The following SUGCT variants were observed in gnomAD, a reference collection of about 807,000 sequenced individuals.
The protein encoded by SUGCT is succinyl-CoA:glutarate-CoA transferase.
SUGCT carries 41 observed loss-of-function variants against 55.0 expected under a neutral mutation model. The observed-to-expected ratio is 0.74, with a 90% CI of 0.58 to 0.97. The LOEUF (loss-of-function observed/expected upper bound fraction) is 0.97, where lower values mean the gene tolerates loss of function less well. SUGCT is among the 50% of genes least tolerant of loss of function. The pLI, the probability that SUGCT is intolerant of heterozygous loss-of-function variation, is 0.00. For missense variants in SUGCT, 568 were observed against 547.8 expected, an observed-to-expected ratio of 1.04 and a Z score of -0.37; for synonymous variants, 187 against 200.4, an observed-to-expected ratio of 0.93 and a Z score of 0.56.
chr7:40,496,966 C>T (rs1792016856), intron 12 of SUGCT, among the ~76,000 whole-genome samples: 1 of 152,138 alleles, frequency 6.6e-6, no homozygotes, highest in Admixed American at 6.5e-5. Context: ...CCTTTTTGGG[C>T]TCCAGGAACA....
chr7:40,495,479 A>T (rs916434268), intron 11 of SUGCT, among the ~76,000 whole-genome samples: 28 of 152,176 alleles, frequency 1.8e-4, no homozygotes, highest in Non-Finnish European at 3.5e-4. Flanking sequence ...ATAATCAATA[A>T]TTCTGAAATT....
intron 12 of SUGCT, among the ~76,000 whole-genome samples, chr7:40,556,188 C>G (rs567234722): frequency 6.6e-6 from 1 of 152,124 alleles, no homozygotes; most frequent in Non-Finnish European, 1.5e-5. Context: ...ACGCTTTGTT[C>G]CTAACAACTT....
intron 7 of SUGCT, among the ~76,000 whole-genome samples, chr7:40,241,735 C>T (rs1789406404): frequency 6.6e-6 from 1 of 151,862 alleles, no homozygotes; most frequent in Admixed American, 6.6e-5. Context: ...TCCTGGCCAA[C>T]ATGCTGAAAC....
chr7:40,920,261 G>A, the SUGCT span, among the ~76,000 whole-genome samples: 2 of 152,150 alleles, frequency 1.3e-5, no homozygotes, highest in African/African-American at 4.8e-5. Flanking sequence ...TAAGTGCCTA[G>A]ATATGGCATA....
the SUGCT span, among the ~76,000 whole-genome samples, chr7:40,962,695 T>C: frequency 6.6e-6 from 1 of 151,884 alleles, no homozygotes; most frequent in Non-Finnish European, 1.5e-5. Context: ...ATTCATGTCA[T>C]GAAAAGAGTG....
chr7:41,019,652 A>G, the SUGCT span, among the ~76,000 whole-genome samples: 19 of 152,204 alleles, frequency 1.2e-4, no homozygotes, highest in Non-Finnish European at 7.3e-5. Context: ...TTCCAACTCT[A>G]TGTTCTTCTG....
intron 12 of SUGCT, among the ~76,000 whole-genome samples, chr7:40,694,294 A>G (rs1784827088): frequency 6.6e-6 from 1 of 152,226 alleles, no homozygotes; most frequent in Non-Finnish European, 1.5e-5. Context: ...CTGCCCTAAC[A>G]TAACTGTGAT....
At chr7:40,144,974 T>C (rs1788168399) in intron 1 of SUGCT, among the ~76,000 whole-genome samples, 1 of 152,240 alleles carries the variant, frequency 6.6e-6, no homozygotes, top group South Asian at 2.1e-4. Flanking sequence ...AAGATTTTTA[T>C]AGACTCTTTT....
intron 9 of SUGCT, among the ~76,000 whole-genome samples, chr7:40,367,267 G>T (rs1338186078): frequency 7.3e-6 from 1 of 137,104 alleles, no homozygotes; most frequent in Non-Finnish European, 1.6e-5. Flanking sequence ...GACTGTTGTG[G>T]GGTGGGGGGA....
At chr7:40,314,202 A>G (rs916878846) in intron 8 of SUGCT, among the ~76,000 whole-genome samples, 3 of 152,206 alleles carry the variant, frequency 2.0e-5, no homozygotes, top group African/African-American at 7.2e-5. Flanking sequence ...ATCCCTGGCA[A>G]CTATCTTAGA....
chr7:40,945,678 T>G, the SUGCT span, among the ~76,000 whole-genome samples: 17 of 152,316 alleles, frequency 1.1e-4, no homozygotes, highest in East Asian at 3.3e-3. Context: ...GCAAAAGTTC[T>G]GAGACTCAAC....
intron 12 of SUGCT, among the ~76,000 whole-genome samples, chr7:40,561,688 C>CTTTTTT (rs777766517): frequency 3.0e-5 from 3 of 100,152 alleles, no homozygotes; most frequent in Non-Finnish European, 3.9e-5. Context: ...TAAGCCGAGT[C>CTTTTTT]TTTTTTTTTT....
intron 11 of SUGCT, among the ~76,000 whole-genome samples, chr7:40,461,097 C>T (rs966526898): frequency 6.6e-6 from 1 of 152,140 alleles, no homozygotes; most frequent in South Asian, 2.1e-4. Context: ...TCTAGCACGT[C>T]TCTCTTCCTC....
Position 40,439,212 on chromosome 7 carries a change from TC to T in SUGCT, c.817-10073del, listed in dbSNP as rs577536358. ...TAGGCATAACCCGAACCTGCCTCACTCCTTTAATCACTGATTGAAGCATTCT... is the reference window on the plus strand; with the variant it reads ...TAGGCATAACCCGAACCTGCCTCACTCTTTAATCACTGATTGAAGCATTCT... On this transcript the variant is annotated intron_variant, in intron 9 of 13. Transcript: ENST00000335693. Among the ~76,000 whole-genome samples, 18 of 150,052 alleles carry T rather than the reference TC, an allele frequency of 1.2e-4. No homozygotes were observed. The South Asian group carries it at 3.2e-3, about 27-fold the overall frequency.
the SUGCT span, among the ~76,000 whole-genome samples, chr7:40,974,568 C>T: frequency 7.9e-5 from 12 of 152,190 alleles, no homozygotes; most frequent in Non-Finnish European, 1.6e-4. Context: ...AAATACATTT[C>T]TGTTGTTTAA....
chr7:40,694,884 G>C (rs1011721726), intron 12 of SUGCT, among the ~76,000 whole-genome samples: 1 of 152,182 alleles, frequency 6.6e-6, no homozygotes, highest in Non-Finnish European at 1.5e-5. Flanking sequence ...TTTACACCAA[G>C]TGGCTAGAGA....
intron 6 of SUGCT, among the ~76,000 whole-genome samples, chr7:40,207,587 TG>T (rs760066858): frequency 6.6e-6 from 1 of 151,982 alleles, no homozygotes; most frequent in Non-Finnish European, 1.5e-5. Flanking sequence ...GAGGCCAAGG[TG>T]GGTGGGTCAC....
intron 9 of SUGCT, among the ~76,000 whole-genome samples, chr7:40,415,074 A>ATCTG (rs1489734389): frequency 1.2e-4 from 16 of 136,952 alleles, no homozygotes; most frequent in Middle Eastern, 3.6e-3. Flanking sequence ...CTATCTATCT[A>ATCTG]TCTATCTATC....
intron 12 of SUGCT, among the ~76,000 whole-genome samples, chr7:40,693,900 C>T (rs1784804243): frequency 6.6e-6 from 1 of 152,198 alleles, no homozygotes; most frequent in African/African-American, 2.4e-5. Context: ...ATTTCAACCT[C>T]ACAAAACACT....
Sources: allele counts gnomAD v4.1 joint callset (sites outside exome capture counted in the v4.1 genomes callset), GRCh38; gene constraint gnomAD v4.1.1; transcripts MANE v1.5; gene names NCBI Gene and HGNC (gene_info 2026-07-23, HGNC 2026-07-21).